The following C18orf32 variants were observed in gnomAD, a reference collection of about 807,000 sequenced individuals.
C18orf32 encodes the protein chromosome 18 open reading frame 32.
A neutral mutation model predicts 7.4 loss-of-function variants in C18orf32; 5 were observed. The observed-to-expected ratio is 0.68, with a 90% CI of 0.35 to 1.42. The LOEUF (loss-of-function observed/expected upper bound fraction) is 1.42, where lower values mean the gene tolerates loss of function less well. Ranked by LOEUF, C18orf32 falls within the 40% of genes most tolerant of loss-of-function variation. The pLI is 0.04. For missense variants in C18orf32, 88 were observed against 92.4 expected (o/e 0.95, Z 0.19); for synonymous variants, 30 against 29.3 (o/e 1.02, Z -0.08).
At chr18:49,482,452 G>A (rs374614480) in intron 2 of C18orf32, 42 bp from the exon 3 acceptor site, 7 of 1,464,432 alleles carry the variant, frequency 4.8e-6, no homozygotes, top group Admixed American at 3.5e-5. Flanking sequence ...TAACAAGCCG[G>A]GTGCGGTGGC....
Position 49,481,547 on chromosome 18 carries a change from ATTG to A in C18orf32, c.*795_*797del, listed in dbSNP as rs2083662007. On this transcript the variant is annotated 3_prime_UTR_variant, in exon 3 of 3. Transcript: ENST00000318240. ...AGTGTCTTGTTACGCAACAATAGTA[ATTG>A]TTGTCCCACCACTACACAGATGCCA... 6.8e-6 allele frequency: 1 copy of A among 146,752 alleles called. No homozygotes were observed. Among genetic ancestry groups the A allele is most frequent in the Non-Finnish European group, 1.5e-5 (1 of 67,048 alleles). The allele number at this position is 146,752 out of a possible 1,614,324, so 9.1% of individuals were successfully genotyped here.
At position 49,487,086 on chromosome 18, in the gene C18orf32, C is replaced by T. The variant is rs1028791221; in HGVS notation, c.-67G>A. The T allele has an allele frequency of 6.5e-6, 1 of 153,250 alleles. No homozygotes were observed. The highest frequency in any genetic ancestry group is 2.4e-5 in the African/African-American group (1 of 41,454). 9.5% of individuals were successfully genotyped at this position (153,250 alleles called of 1,614,324 possible). Reference sequence around the variant, plus strand: ...CACCGCGGAGGCCGGCGGGCCGCGACCGCCGAGGAGGGAGGAGGCAGGAGG... The same window carrying T: ...CACCGCGGAGGCCGGCGGGCCGCGATCGCCGAGGAGGGAGGAGGCAGGAGG... On this transcript the variant is annotated 5_prime_UTR_variant, in exon 1 of 3. Coordinates refer to ENST00000318240, the MANE Select transcript of C18orf32 (RefSeq NM_001035005.4).
chr18:49,486,513 A>G (rs560356381), intron 1 of C18orf32: 10 of 152,134 alleles, frequency 6.6e-5, no homozygotes, highest in African/African-American at 2.4e-4. Flanking sequence ...AATCTTCATA[A>G]TAATACTTCG....
rs973050931 is a variant in C18orf32 at position 49,481,771 on chromosome 18, T to C, written c.*574A>G. ...AGATGTTTCATTTTTCAAAGAAGTT[T>C]CCCCCTTTTCCCTATCTTTTTTTAA... On this transcript the variant is annotated 3_prime_UTR_variant, in exon 3 of 3. Coordinates refer to ENST00000318240, the MANE Select transcript of C18orf32 (RefSeq NM_001035005.4). 4 of 152,236 alleles carry C rather than the reference T, an allele frequency of 2.6e-5. No homozygotes were observed. In the East Asian group the frequency reaches 5.8e-4, roughly 22 times the overall value. 9.4% of individuals were successfully genotyped at this position (152,236 alleles called of 1,614,324 possible). A position where few individuals can be genotyped will look rare whatever the true frequency, so the allele number is the denominator to read the frequency against.
rs979318327 is a variant in C18orf32 at position 49,487,155 on chromosome 18, C to T, written c.-136G>A. ...TCTGCGAGCGCGGCCCGGGCTGGGCCTGCGGAGCAGCTACAAAGCCCAACC... is the reference window on the plus strand; with the variant it reads ...TCTGCGAGCGCGGCCCGGGCTGGGCTTGCGGAGCAGCTACAAAGCCCAACC... On this transcript the variant is annotated 5_prime_UTR_variant, in exon 1 of 3. Coordinates refer to ENST00000318240, the MANE Select transcript of C18orf32 (RefSeq NM_001035005.4). The T allele has an allele frequency of 2.0e-5, 3 of 152,550 alleles. No homozygotes were observed. Among genetic ancestry groups the T allele is most frequent in the African/African-American group, 7.2e-5 (3 of 41,468 alleles). The allele number at this position is 152,550 out of a possible 1,614,324, so 9.4% of individuals were successfully genotyped here.
At position 49,483,683 on chromosome 18, in the gene C18orf32, T is replaced by C; in HGVS notation, c.66A>G (p.Pro22=). ...AGGGGGAAACCAGAGGGTATATATA[T>C]GGCTCCAGGAATTTTTTGTAGATCC... The part of the protein sequence containing the change: ...LLWIYKKFLE[P]YIYPLVSPFV... The change falls in exon 2 of 3, where the codon CCA becomes CCG. Residue 22 remains proline, a synonymous_variant. Coordinates refer to ENST00000318240, the MANE Select transcript of C18orf32 (RefSeq NM_001035005.4). The C allele has an allele frequency of 5.6e-6, 9 of 1,613,912 alleles. No individual in the cohort carries two copies. The highest frequency in any genetic ancestry group is 7.6e-6 in the Non-Finnish European group (9 of 1,179,986).
In C18orf32 at chr18:49,483,686, C is replaced by T; in HGVS notation, c.63G>A (p.Glu21=). 1.2e-6 allele frequency: 2 copies of T among 1,613,734 alleles called. No individual in the cohort carries two copies. Among genetic ancestry groups the T allele is most frequent in the Non-Finnish European group, 1.7e-6 (2 of 1,179,950 alleles). The change falls in exon 2 of 3, where the codon GAG becomes GAA. Residue 21 remains glutamate (E), a synonymous_variant. Coordinates refer to ENST00000318240, the MANE Select transcript of C18orf32 (RefSeq NM_001035005.4). The part of the protein sequence containing the change: ...VLLWIYKKFL[E]PYIYPLVSPF... Reference sequence around the variant, plus strand: ...GGGAAACCAGAGGGTATATATATGGCTCCAGGAATTTTTTGTAGATCCAGA... The same window carrying T: ...GGGAAACCAGAGGGTATATATATGGTTCCAGGAATTTTTTGTAGATCCAGA...
intron 1 of C18orf32, 58 bp downstream of exon 1, chr18:49,486,985 A>T (rs2083761995): frequency 9.8e-6 from 1 of 101,750 alleles, no homozygotes; most frequent in African/African-American, 3.8e-5. Context: ...GAATACAGAC[A>T]GAGGGGAGGG....
In C18orf32 at chr18:49,479,861, A is replaced by G. The variant is rs2083646826; in HGVS notation, c.*2484T>C. 6.6e-6 allele frequency: 1 copy of G among 152,516 alleles called. No individual in the cohort carries two copies. The highest frequency in any genetic ancestry group is 1.5e-5 in the Non-Finnish European group (1 of 68,298). 9.4% of individuals were successfully genotyped at this position (152,516 alleles called of 1,614,324 possible). ...GCTGAAAGCAGGATGAGGGGAGCAGAGACTTGGGAGGGGCAAATGAAAGAC... is the reference window on the plus strand; with the variant it reads ...GCTGAAAGCAGGATGAGGGGAGCAGGGACTTGGGAGGGGCAAATGAAAGAC... On this transcript the variant is annotated 3_prime_UTR_variant, in exon 3 of 3. Coordinates refer to ENST00000318240, the MANE Select transcript of C18orf32 (RefSeq NM_001035005.4).
intron 1 of C18orf32, among the ~76,000 whole-genome samples, chr18:49,485,301 TC>T (rs1455340512): frequency 4.6e-5 from 7 of 152,186 alleles, no homozygotes; most frequent in Non-Finnish European, 8.8e-5. Flanking sequence ...ACGCCTGTAA[TC>T]CAAGCACCTT....
chr18:49,484,190 A>ACC (rs2083708043), intron 1 of C18orf32, among the ~76,000 whole-genome samples: 1 of 148,160 alleles, frequency 6.7e-6, no homozygotes, highest in East Asian at 2.0e-4. Context: ...ACACACACAC[A>ACC]CACACACACA....
rs2083637505 is a variant in C18orf32, at chr18:49,478,656, T to C, written c.*3689A>G. On this transcript the variant is annotated 3_prime_UTR_variant, in exon 3 of 3. Transcript: ENST00000318240. The stretch of plus-strand genomic sequence containing the variant: ...ATGAACAGTGCAGGTACAATGTGTT[T>C]AACAAAGGGTAGCTCTTACTAAAAA... The C allele has an allele frequency of 6.7e-6, 1 of 150,298 alleles. No homozygotes were observed. Among genetic ancestry groups the C allele is most frequent in the Non-Finnish European group, 1.5e-5 (1 of 68,030 alleles). The allele number at this position is 150,298 out of a possible 1,614,324, so 9.3% of individuals were successfully genotyped here.
chr18:49,485,490 G>A (rs2083728566), intron 1 of C18orf32, among the ~76,000 whole-genome samples: 1 of 151,892 alleles, frequency 6.6e-6, no homozygotes, highest in South Asian at 2.1e-4. Flanking sequence ...GGAGGCGGAA[G>A]TCGCAGTGAG....
At position 49,479,148 on chromosome 18, in the gene C18orf32, A is replaced by G. The variant is rs948186969; in HGVS notation, c.*3197T>C. ...GGAGACCCGCAGCTCTCTGGAAAAC[A>G]GGCTTAAATAAATTGGAATCATCCC... On this transcript the variant is annotated 3_prime_UTR_variant, in exon 3 of 3. Transcript: ENST00000318240. The G allele has an allele frequency of 2.0e-5, 3 of 152,234 alleles. No homozygotes were observed. Among genetic ancestry groups the G allele is most frequent in the African/African-American group, 7.2e-5 (3 of 41,470 alleles). The allele number at this position is 152,234 out of a possible 1,614,324, so 9.4% of individuals were successfully genotyped here.
Position 49,478,167 on chromosome 18 carries a change from G to C in C18orf32, c.*4178C>G, listed in dbSNP as rs1443058506. 1 of 149,972 alleles carries C rather than the reference G, an allele frequency of 6.7e-6. No individual in the cohort carries two copies. Among genetic ancestry groups the C allele is most frequent in the African/African-American group, 2.5e-5 (1 of 39,320 alleles). The allele number at this position is 149,972 out of a possible 1,614,324, so 9.3% of individuals were successfully genotyped here. On this transcript the variant is annotated 3_prime_UTR_variant, in exon 3 of 3. Coordinates refer to ENST00000318240, the MANE Select transcript of C18orf32 (RefSeq NM_001035005.4). ...TCCTCCCACCTCAGCCTCCAGAGTA[G>C]CTGGGACCACAGGTGCACATCACCA...
At chr18:49,484,071 G>A (rs991130903) in intron 1 of C18orf32, among the ~76,000 whole-genome samples, 4 of 150,508 alleles carry the variant, frequency 2.7e-5, no homozygotes, top group Admixed American at 2.0e-4. Flanking sequence ...TGAGGCTGCA[G>A]TGAGCCGTGT....
Position 49,483,656 on chromosome 18 carries a change from G to A in C18orf32, c.93C>T (p.Phe31=), listed in dbSNP as rs572227147. 1.2e-5 allele frequency: 19 copies of A among 1,613,668 alleles called. No homozygotes were observed. In the Admixed American group the frequency reaches 1.7e-4, roughly 14 times the overall value. Residue 31 remains phenylalanine (F), a synonymous_variant, in exon 2 of 3, where the codon TTC becomes TTT. Coordinates refer to ENST00000318240, the MANE Select transcript of C18orf32 (RefSeq NM_001035005.4). The stretch of plus-strand genomic sequence containing the variant: ...CTTTCTTAGGCCATATACGACTAAC[G>A]AAGGGGGAAACCAGAGGGTATATAT... ...EPYIYPLVSP[F]VSRIWPKKAI... is the part of the protein sequence containing the mutation.
chr18:49,486,087 A>T (rs906468061), intron 1 of C18orf32: 1 of 43,156 alleles, frequency 2.3e-5, no homozygotes, highest in Non-Finnish European at 4.2e-5. Context: ...TCTCAAGATT[A>T]AAAAAAAAAA....
chr18:49,486,074 C>G (rs2083740149), intron 1 of C18orf32: 1 of 119,168 alleles, frequency 8.4e-6, no homozygotes, highest in East Asian at 2.3e-4. Flanking sequence ...GAGGCAGACC[C>G]TGTCTCAAGA....
Sources: gnomAD v4.1 joint callset for allele counts (sites outside exome capture counted in the v4.1 genomes callset) on GRCh38, gnomAD v4.1.1 for gene constraint, MANE v1.5 for transcripts, NCBI Gene and HGNC (gene_info 2026-07-23, HGNC 2026-07-21) for gene names.